The following CTIF variants were observed in gnomAD, a reference collection of about 807,000 sequenced individuals.
The protein encoded by CTIF is cap binding complex dependent translation initiation factor.
CTIF carries 21 observed loss-of-function variants against 66.0 expected under a neutral mutation model. The ratio of observed to expected loss-of-function variants is 0.32; its 90% CI spans 0.23 to 0.46. CTIF has a LOEUF of 0.46. Ranked by LOEUF, CTIF falls within the 20% of genes least tolerant of loss-of-function variation. The pLI is 1.00. For synonymous variants in CTIF, 345 were observed against 326.4 expected, an observed-to-expected ratio of 1.06 and a Z score of -0.62; for missense variants, 739 against 812.7, an observed-to-expected ratio of 0.91 and a Z score of 1.10.
intron 10 of CTIF, among the ~76,000 whole-genome samples, chr18:48,820,678 C>T (rs2068463650): frequency 6.6e-6 from 1 of 152,184 alleles, no homozygotes; most frequent in Non-Finnish European, 1.5e-5. Flanking sequence ...CCCCAGAACC[C>T]ACGCCACGGC....
At chr18:48,606,091 G>A (rs570316877) in intron 1 of CTIF, among the ~76,000 whole-genome samples, 117 of 152,312 alleles carry the variant, frequency 7.7e-4, no homozygotes, top group African/African-American at 2.6e-3. Flanking sequence ...GTTCTACAAG[G>A]TAGTGGATAT....
At position 48,698,679 on chromosome 18, in the gene CTIF, T is replaced by A. The variant is rs552473747; in HGVS notation, c.508-12940T>A. 2.6e-5 allele frequency among the ~76,000 whole-genome samples: 4 copies of A among 152,346 alleles called. No homozygotes were observed. The East Asian group carries it at 7.7e-4, about 29-fold the overall frequency. ...TCTCAGCCTTGAATCTTTCCCGATC[T>A]TTTCAACCTGGTCATTCTGGTCTGG... On this transcript the variant is annotated intron_variant, in intron 6 of 11. Coordinates refer to ENST00000256413, the MANE Select transcript of CTIF (RefSeq NM_014772.3).
chr18:48,616,536 G>C (rs925296939), intron 1 of CTIF, among the ~76,000 whole-genome samples: 1 of 152,180 alleles, frequency 6.6e-6, no homozygotes, highest in Admixed American at 6.5e-5. Context: ...TGCAGACCTG[G>C]AACTCTCCTG....
At chr18:48,775,887 G>A (rs1910622243) in intron 9 of CTIF, among the ~76,000 whole-genome samples, 1 of 152,218 alleles carries the variant, frequency 6.6e-6, no homozygotes, top group African/African-American at 2.4e-5. Flanking sequence ...AGCAAGCCCA[G>A]GGCTGAGGCT....
At chr18:48,758,699 A>G (rs1908665770) in intron 8 of CTIF, among the ~76,000 whole-genome samples, 2 of 152,182 alleles carry the variant, frequency 1.3e-5, no homozygotes, top group Non-Finnish European at 2.9e-5. Context: ...TAGGGGGAAG[A>G]GATGCATGCC....
rs995679707 is a variant in CTIF at position 48,672,113 on chromosome 18, A to G, written c.507+1369A>G. The stretch of plus-strand genomic sequence containing the variant: ...TTGACTGCTCCTTGGAGTATCTACA[A>G]TTCACATGGGTACCCTTAGGACAAG... On this transcript the variant is annotated intron_variant, in intron 6 of 11. Transcript: ENST00000256413. 3.3e-5 allele frequency among the ~76,000 whole-genome samples: 5 copies of G among 149,298 alleles called. No individual in the cohort carries two copies. In the South Asian group the frequency reaches 6.6e-4, roughly 20 times the overall value.
chr18:48,711,353 T>G lies in CTIF; in HGVS notation c.508-266T>G, dbSNP rs746099695. ...CAGATTTGAATGTCTCATCTGTAAT[T>G]CAAGGACTTGGACATAATGGATTCT... is the stretch of plus-strand genomic sequence containing the variant. On this transcript the variant is annotated intron_variant, in intron 6 of 11. Transcript: ENST00000256413. Among the ~76,000 whole-genome samples the G allele has an allele frequency of 4.1e-4, 63 of 152,364 alleles. No homozygotes were observed. In the Middle Eastern group the frequency reaches 0.017, roughly 41 times the overall value.
intron 10 of CTIF, among the ~76,000 whole-genome samples, chr18:48,830,732 A>AC (rs33979890): frequency 9.0e-5 from 12 of 132,894 alleles, no homozygotes; most frequent in Non-Finnish European, 1.9e-4. Context: ...AGTTTCTCAG[A>AC]CCCCCCCCCG....
At chr18:48,794,313 A>G (rs914757546) in intron 9 of CTIF, among the ~76,000 whole-genome samples, 2 of 152,248 alleles carry the variant, frequency 1.3e-5, no homozygotes. Flanking sequence ...GTTAAGTCAC[A>G]TTAGGCACAG....
Position 48,860,660 on chromosome 18 carries a change from G to A in CTIF, c.*1101G>A, listed in dbSNP as rs1328430711. ...TTGCGCTCCACACGCAGGTCTTACT[G>A]GGGAAAAGGATGGGAGTGGGGGCTC... is the stretch of plus-strand genomic sequence containing the variant. On this transcript the variant is annotated 3_prime_UTR_variant, in exon 12 of 12. Transcript: ENST00000256413. The A allele has an allele frequency of 6.6e-6, 1 of 152,250 alleles. No individual in the cohort carries two copies. The highest frequency in any genetic ancestry group is 2.4e-5 in the African/African-American group (1 of 41,474). 9.4% of individuals were successfully genotyped at this position (152,250 alleles called of 1,614,324 possible).
chr18:48,720,007 T>G (rs564227019), intron 7 of CTIF, among the ~76,000 whole-genome samples: 2 of 152,240 alleles, frequency 1.3e-5, no homozygotes, highest in Non-Finnish European at 2.9e-5. Context: ...ATTGATCCAG[T>G]GGTGAAAATG....
rs770809935 is a variant in CTIF at position 48,761,881 on chromosome 18, A to T, written c.1371+192A>T. Among the ~76,000 whole-genome samples the T allele has an allele frequency of 1.5e-4, 23 of 152,218 alleles. 1 individual carries two copies. The highest frequency in any genetic ancestry group is 2.8e-4 in the Non-Finnish European group (19 of 68,044). ...TGAGCGGCTGGATTTGTGTGTGTTTATGTGTGGGCTCCCTGGTTACAATGG... is the reference window on the plus strand; with the variant it reads ...TGAGCGGCTGGATTTGTGTGTGTTTTTGTGTGGGCTCCCTGGTTACAATGG... On this transcript the variant is annotated intron_variant, in intron 9 of 11. Transcript: ENST00000256413. This position sits in a 1 kb window ranked among gnomAD's most constrained non-coding sequence, Gnocchi z 4.2.
At chr18:48,585,188 C>T (rs151118141) in intron 1 of CTIF, among the ~76,000 whole-genome samples, 41 of 152,312 alleles carry the variant, frequency 2.7e-4, no homozygotes, top group African/African-American at 8.7e-4. Context: ...ACCAAGCTGC[C>T]GGGTAAAAGT....
At chr18:48,657,733 C>T (rs2091267543) in intron 3 of CTIF, among the ~76,000 whole-genome samples, 1 of 152,152 alleles carries the variant, frequency 6.6e-6, no homozygotes. Context: ...AAGGAAGACT[C>T]ATGGGAGTGG....
intron 7 of CTIF, among the ~76,000 whole-genome samples, chr18:48,752,766 C>G (rs1326089070): frequency 6.6e-6 from 1 of 152,212 alleles, no homozygotes; most frequent in Non-Finnish European, 1.5e-5. Flanking sequence ...GGGGGACACC[C>G]ATCATCCGAA....
At chr18:48,720,302 A>G (rs767492317) in intron 7 of CTIF, among the ~76,000 whole-genome samples, 1 of 152,130 alleles carries the variant, frequency 6.6e-6, no homozygotes, top group Non-Finnish European at 1.5e-5. Context: ...TCCAGTGGTC[A>G]TTGTCCTGCA....
intron 5 of CTIF, among the ~76,000 whole-genome samples, chr18:48,667,181 C>T (rs901418636): frequency 1.3e-5 from 2 of 151,856 alleles, no homozygotes; most frequent in Non-Finnish European, 2.9e-5. Context: ...AAATATGAAC[C>T]TATTCATGAT....
chr18:48,749,076 C>T (rs1310157621), intron 7 of CTIF, among the ~76,000 whole-genome samples: 2 of 152,234 alleles, frequency 1.3e-5, no homozygotes, highest in Non-Finnish European at 2.9e-5. Flanking sequence ...ACTTTCTGTC[C>T]ATGTGCCTTC....
At chr18:48,794,903 G>T (rs1257460312) in intron 9 of CTIF, among the ~76,000 whole-genome samples, 1 of 152,142 alleles carries the variant, frequency 6.6e-6, no homozygotes, top group Non-Finnish European at 1.5e-5. Context: ...GTGTGTGGAT[G>T]CATGGGTGAT....
Sources: allele counts gnomAD v4.1 joint callset (sites outside exome capture counted in the v4.1 genomes callset), GRCh38; gene constraint gnomAD v4.1.1; non-coding constraint Gnocchi (gnomAD v3.1); transcripts MANE v1.5; gene names NCBI Gene and HGNC (gene_info 2026-07-23, HGNC 2026-07-21).